Variants in RBFOX1 observed in about 807,000 individuals in gnomAD.
The protein encoded by RBFOX1 is RNA binding fox-1 homolog 1.
A neutral mutation model predicts 57.7 loss-of-function variants in RBFOX1; 8 were observed. The ratio of observed to expected loss-of-function variants is 0.14; its 90% CI spans 0.08 to 0.25. The LOEUF (loss-of-function observed/expected upper bound fraction) is 0.25, where lower values mean the gene tolerates loss of function less well. Ranked by LOEUF, RBFOX1 falls within the 10% of genes least tolerant of loss-of-function variation. RBFOX1 has a pLI of 1.00. For missense variants in RBFOX1, 611 were observed against 548.5 expected, an observed-to-expected ratio of 1.11 and a Z score of -1.14; for synonymous variants, 326 against 222.4, an observed-to-expected ratio of 1.47 and a Z score of -4.15.
chr16:6,871,323 T>A (rs2060838014), intron 3 of RBFOX1, among the ~76,000 whole-genome samples: 1 of 152,134 alleles, frequency 6.6e-6, no homozygotes, highest in Non-Finnish European at 1.5e-5. Context: ...GTAGCTGGGA[T>A]TACAGGCATG....
At chr16:6,144,114 G>A (rs922018807) in intron 1 of RBFOX1, among the ~76,000 whole-genome samples, 1 of 151,828 alleles carries the variant, frequency 6.6e-6, no homozygotes, top group South Asian at 2.1e-4. Context: ...TACCATTTTT[G>A]GTTTGTACTA....
intron 3 of RBFOX1, among the ~76,000 whole-genome samples, chr16:6,949,017 A>G (rs984557261): frequency 3.9e-5 from 6 of 152,166 alleles, no homozygotes; most frequent in African/African-American, 1.2e-4. Context: ...TCGATTAAGA[A>G]AAGAAATTCG....
intron 1 of RBFOX1, among the ~76,000 whole-genome samples, chr16:6,168,089 T>G (rs527841055): frequency 6.6e-6 from 1 of 152,152 alleles, no homozygotes. Context: ...TTAAAGCTAG[T>G]CTAACAATGG....
At chr16:7,274,803 G>A (rs906966868) in intron 4 of RBFOX1, among the ~76,000 whole-genome samples, 1 of 151,986 alleles carries the variant, frequency 6.6e-6, no homozygotes, top group Non-Finnish European at 1.5e-5. Context: ...TCATGGCTCA[G>A]CCTCCTGAGT....
chr16:6,096,446 A>C (rs2096246343), intron 1 of RBFOX1, among the ~76,000 whole-genome samples: 1 of 152,142 alleles, frequency 6.6e-6, no homozygotes, highest in Non-Finnish European at 1.5e-5. Flanking sequence ...ACATCTCTTT[A>C]GGACTGCTGA....
At chr16:7,363,235 G>A (rs199652401) in intron 4 of RBFOX1, among the ~76,000 whole-genome samples, 1 of 152,160 alleles carries the variant, frequency 6.6e-6, no homozygotes, top group Non-Finnish European at 1.5e-5. Context: ...TGGGTTCTTT[G>A]TCTGTTGTGT....
intron 3 of RBFOX1, among the ~76,000 whole-genome samples, chr16:5,703,481 C>G (rs530064849): frequency 2.0e-5 from 3 of 152,238 alleles, no homozygotes; most frequent in African/African-American, 7.2e-5. Context: ...AGCCAGAGTA[C>G]AAATATCACA....
intron 2 of RBFOX1, among the ~76,000 whole-genome samples, chr16:6,568,698 A>G (rs1042774195): frequency 5.3e-5 from 8 of 152,100 alleles, no homozygotes; most frequent in African/African-American, 1.9e-4. Flanking sequence ...ACAGTAAATC[A>G]TTTCCTAATG....
intron 4 of RBFOX1, among the ~76,000 whole-genome samples, chr16:7,221,690 T>C (rs1227503848): frequency 6.6e-6 from 1 of 152,210 alleles, no homozygotes; most frequent in Admixed American, 6.5e-5. Context: ...TTGTAAATTA[T>C]CCTGTTCTCC....
intron 4 of RBFOX1, among the ~76,000 whole-genome samples, chr16:7,055,175 C>A: frequency 6.6e-6 from 1 of 152,182 alleles, no homozygotes; most frequent in African/African-American, 2.4e-5. Context: ...TTCTCATAGC[C>A]TTTAATTTGC....
At chr16:5,461,756 G>A (rs1489845942) in intron 1 of RBFOX1, among the ~76,000 whole-genome samples, 1 of 152,152 alleles carries the variant, frequency 6.6e-6, no homozygotes, top group Non-Finnish European at 1.5e-5. Context: ...CAGGGTGGAT[G>A]GATGGCCCTG....
chr16:7,385,919 CTTATTTATTTATTTATTTAT>C (rs138535933), intron 4 of RBFOX1, among the ~76,000 whole-genome samples: 1 of 135,148 alleles, frequency 7.4e-6, no homozygotes, highest in African/African-American at 2.7e-5. Flanking sequence ...TGCCCAGTTA[CTTATTTATTTATTTATTTAT>C]TTATTTATTT....
chr16:7,290,415 T>C (rs980885426), intron 4 of RBFOX1, among the ~76,000 whole-genome samples: 4 of 152,202 alleles, frequency 2.6e-5, no homozygotes, highest in Non-Finnish European at 5.9e-5. Flanking sequence ...CCTTAAAATA[T>C]CTCATTAATC....
chr16:6,026,592 G>C (rs904980198), intron 1 of RBFOX1, among the ~76,000 whole-genome samples: 2 of 152,256 alleles, frequency 1.3e-5, no homozygotes, highest in African/African-American at 2.4e-5. Context: ...TGCATAGCTT[G>C]AGTTGCTCTG....
intron 1 of RBFOX1, among the ~76,000 whole-genome samples, chr16:6,198,814 A>G (rs1193249817): frequency 6.6e-6 from 1 of 152,126 alleles, no homozygotes; most frequent in Admixed American, 6.6e-5. Context: ...AAACAAAATT[A>G]TATTGAGGGA....
At chr16:5,757,843 A>G (rs1045239863) in intron 3 of RBFOX1, among the ~76,000 whole-genome samples, 1 of 152,132 alleles carries the variant, frequency 6.6e-6, no homozygotes, top group African/African-American at 2.4e-5. Flanking sequence ...TCATGCTTCT[A>G]CTACTGTGCT....
At chr16:6,632,388 C>T (rs1294823152) in intron 2 of RBFOX1, among the ~76,000 whole-genome samples, 1 of 151,474 alleles carries the variant, frequency 6.6e-6, no homozygotes, top group Non-Finnish European at 1.5e-5. Flanking sequence ...ACCTCATAAA[C>T]AGTATGGAGA....
chr16:6,962,513 C>T (rs752526448), intron 3 of RBFOX1, among the ~76,000 whole-genome samples: 3 of 152,118 alleles, frequency 2.0e-5, no homozygotes, highest in Admixed American at 6.6e-5. Flanking sequence ...ATCCTTTCTT[C>T]TTACTTCAGA....
At chr16:7,024,083 G>T (rs569340934) in intron 3 of RBFOX1, among the ~76,000 whole-genome samples, 1 of 152,204 alleles carries the variant, frequency 6.6e-6, no homozygotes, top group South Asian at 2.1e-4. Context: ...AGCAGGGTGT[G>T]GCTTGGCTTA....
Sources: allele counts gnomAD v4.1 joint callset (sites outside exome capture counted in the v4.1 genomes callset), GRCh38; gene constraint gnomAD v4.1.1; transcripts MANE v1.5; gene names NCBI Gene and HGNC (gene_info 2026-07-23, HGNC 2026-07-21).